FSTL5: variants seen among roughly 807,000 people sequenced by gnomAD.
FSTL5 encodes follistatin like 5, also known as follistatin-related protein 5.
A neutral mutation model predicts 89.1 loss-of-function variants in FSTL5; 62 were observed. The ratio of observed to expected loss-of-function variants is 0.70; its 90% CI spans 0.57 to 0.86. The LOEUF (loss-of-function observed/expected upper bound fraction) is 0.86, where lower values mean the gene tolerates loss of function less well. Ranked by LOEUF, FSTL5 falls within the 40% of genes least tolerant of loss-of-function variation. The pLI is 0.00. For missense variants in FSTL5, 1,057 were observed against 1,001.6 expected (o/e 1.06, Z -0.75); for synonymous variants, 383 against 346.2 (o/e 1.11, Z -1.18).
At chr4:161,790,446 A>G (rs976849311) in intron 4 of FSTL5, among the ~76,000 whole-genome samples, 1 of 152,196 alleles carries the variant, frequency 6.6e-6, no homozygotes, top group Non-Finnish European at 1.5e-5. Flanking sequence ...TTGCAGCCCC[A>G]CTTACGTGCT....
intron 5 of FSTL5, among the ~76,000 whole-genome samples, chr4:161,762,697 T>C (rs1740849401): frequency 6.6e-6 from 1 of 152,190 alleles, no homozygotes; most frequent in African/African-American, 2.4e-5. Flanking sequence ...CCAATCATAT[T>C]TTCACTTGTT....
intron 4 of FSTL5, among the ~76,000 whole-genome samples, chr4:161,838,775 G>A (rs138934110): frequency 2.3e-4 from 35 of 152,092 alleles, no homozygotes; most frequent in Non-Finnish European, 4.4e-4. Flanking sequence ...AATGCTATAT[G>A]TAACAAACTT....
intron 15 of FSTL5, among the ~76,000 whole-genome samples, chr4:161,454,120 T>A (rs1733267184): frequency 6.6e-6 from 1 of 152,190 alleles, no homozygotes; most frequent in Admixed American, 6.6e-5. Flanking sequence ...CAACTGCAAT[T>A]TTTAGATGAT....
chr4:161,826,491 TC>T (rs1430409969), intron 4 of FSTL5, among the ~76,000 whole-genome samples: 1 of 152,166 alleles, frequency 6.6e-6, no homozygotes, highest in Non-Finnish European at 1.5e-5. Context: ...AGTACTGAAG[TC>T]CCCCACTAAT....
chr4:161,698,617 AAG>A (rs1738269248), intron 6 of FSTL5, among the ~76,000 whole-genome samples: 1 of 152,178 alleles, frequency 6.6e-6, no homozygotes, highest in African/African-American at 2.4e-5. Context: ...GGTGAAGGGT[AAG>A]AGAGAGTGAA....
intron 3 of FSTL5, among the ~76,000 whole-genome samples, chr4:162,019,340 A>C (rs1425435681): frequency 6.6e-6 from 1 of 152,126 alleles, no homozygotes; most frequent in Non-Finnish European, 1.5e-5. Context: ...CCAGATTTGC[A>C]ACCTCAATTC....
chr4:162,107,503 T>C (rs1731269811), intron 2 of FSTL5, among the ~76,000 whole-genome samples: 1 of 152,100 alleles, frequency 6.6e-6, no homozygotes, highest in Non-Finnish European at 1.5e-5. Flanking sequence ...AGACTGTCAA[T>C]AGTCACTACA....
intron 7 of FSTL5, among the ~76,000 whole-genome samples, chr4:161,605,651 T>C (rs1319686461): frequency 1.3e-5 from 2 of 152,214 alleles, no homozygotes; most frequent in East Asian, 1.9e-4. Context: ...TGCATGAAAG[T>C]TACTCGTTGG....
In FSTL5 at chr4:161,656,397, G is replaced by T. The variant is rs1213339490; in HGVS notation, c.825C>A (p.Thr275=). The T allele has an allele frequency of 3.1e-6, 5 of 1,609,604 alleles. No individual in the cohort carries two copies. Among genetic ancestry groups the T allele is most frequent in the Non-Finnish European group, 4.2e-6 (5 of 1,176,784 alleles). Residue 275 remains threonine, a synonymous_variant, in exon 7 of 16, where the codon ACC becomes ACA. Coordinates refer to ENST00000306100, the MANE Select transcript of FSTL5 (RefSeq NM_020116.5). Reference sequence around the variant, plus strand: ...TTTTCCAGATAATGGGAGGTCTCAGGGTTCCTTGAATGGCACAGCTCAGAA... The same window carrying T: ...TTTTCCAGATAATGGGAGGTCTCAGTGTTCCTTGAATGGCACAGCTCAGAA... ...SAVLSCAIQG[T]LRPPIIWKRN...
chr4:161,728,284 A>G (rs1739489591), intron 6 of FSTL5, among the ~76,000 whole-genome samples: 1 of 152,218 alleles, frequency 6.6e-6, no homozygotes, highest in Non-Finnish European at 1.5e-5. Flanking sequence ...TTTTAATGAT[A>G]AAGACAAAAA....
rs79071472 is a variant in FSTL5 at position 161,987,234 on chromosome 4, T to C, written c.160+46391A>G. The stretch of plus-strand genomic sequence containing the variant: ...TTTTTTGTTATTTAAGATGACTTTC[T>C]TTCTTATGGCTTATAGAGTTTTGTT... On this transcript the variant is annotated intron_variant, in intron 3 of 15. Coordinates refer to ENST00000306100, the MANE Select transcript of FSTL5 (RefSeq NM_020116.5). 0.013 allele frequency among the ~76,000 whole-genome samples: 1,949 copies of C among 152,254 alleles called. 130 individuals are homozygous for C. The East Asian group carries it at 0.2, about 16-fold the overall frequency.
chr4:161,885,318 T>C (rs547468512), intron 4 of FSTL5, among the ~76,000 whole-genome samples: 2 of 152,316 alleles, frequency 1.3e-5, no homozygotes, highest in South Asian at 4.1e-4. Flanking sequence ...CTTTCCTCAA[T>C]ACATTCTTGA....
At chr4:161,884,373 C>A (rs1355798413) in intron 4 of FSTL5, among the ~76,000 whole-genome samples, 1 of 152,148 alleles carries the variant, frequency 6.6e-6, no homozygotes, top group Non-Finnish European at 1.5e-5. Flanking sequence ...TCATATCCTG[C>A]ACTATACAAA....
intron 15 of FSTL5, among the ~76,000 whole-genome samples, chr4:161,430,097 A>G (rs891716769): frequency 6.6e-6 from 1 of 152,072 alleles, no homozygotes; most frequent in African/African-American, 2.4e-5. Context: ...TGCAAATGAC[A>G]TACTGAAGAA....
intron 2 of FSTL5, among the ~76,000 whole-genome samples, chr4:162,044,062 G>T (rs758413428): frequency 6.6e-6 from 1 of 152,140 alleles, no homozygotes; most frequent in African/African-American, 2.4e-5. Context: ...CATGAATCAT[G>T]AATGTTCTTA....
chr4:161,860,286 T>TCAAA (rs10690156), intron 4 of FSTL5, among the ~76,000 whole-genome samples: 95,115 of 149,680 alleles, frequency 0.64, 31,038 homozygotes, highest in Non-Finnish European at 0.7. Context: ...AGACTCCGTC[T>TCAAA]CAAACAAACA....
At chr4:161,640,004 A>T in intron 7 of FSTL5, among the ~76,000 whole-genome samples, 1 of 152,178 alleles carries the variant, frequency 6.6e-6, no homozygotes, top group Admixed American at 6.5e-5. Context: ...GACTTTAAAG[A>T]TAAGAATTTT....
intron 8 of FSTL5, among the ~76,000 whole-genome samples, chr4:161,554,751 G>A (rs911791662): frequency 6.6e-6 from 1 of 151,732 alleles, no homozygotes; most frequent in South Asian, 2.1e-4. Flanking sequence ...GTTCGAAAAG[G>A]TTCTAAGAAA....
chr4:162,048,750 G>T (rs1309917389), intron 2 of FSTL5, among the ~76,000 whole-genome samples: 3 of 152,088 alleles, frequency 2.0e-5, no homozygotes, highest in African/African-American at 7.2e-5. Context: ...AATAATAAAT[G>T]ATGGAATGTG....
Sources: gnomAD v4.1 joint callset for allele counts (sites outside exome capture counted in the v4.1 genomes callset) on GRCh38, gnomAD v4.1.1 for gene constraint, MANE v1.5 for transcripts, NCBI Gene and HGNC (gene_info 2026-07-23, HGNC 2026-07-21) for gene names.